Variants in CPNE4 observed in about 807,000 individuals in gnomAD.
CPNE4 encodes the protein copine 4.
CPNE4 carries 25 observed loss-of-function variants against 67.9 expected under a neutral mutation model. The ratio of observed to expected loss-of-function variants is 0.37; its 90% CI spans 0.27 to 0.51. The LOEUF (loss-of-function observed/expected upper bound fraction) is 0.51. CPNE4 is among the 20% of genes least tolerant of loss of function. The pLI is 0.93. For missense variants in CPNE4, 464 were observed against 690.8 expected (o/e 0.67, Z 3.68); for synonymous variants, 242 against 244.9 (o/e 0.99, Z 0.11).
chr3:131,686,603 T>G (rs1394795855), intron 5 of CPNE4, among the ~76,000 whole-genome samples: 2 of 151,964 alleles, frequency 1.3e-5, no homozygotes. Flanking sequence ...CCCCTATCCA[T>G]TTCTGATTTC....
At chr3:131,637,469 A>C (rs1428954711) in intron 7 of CPNE4, among the ~76,000 whole-genome samples, 2 of 152,226 alleles carry the variant, frequency 1.3e-5, no homozygotes, top group Admixed American at 6.5e-5. Flanking sequence ...AAGACTTTCA[A>C]ATTAACCCAA....
chr3:131,606,793 C>G (rs756023087), intron 7 of CPNE4, among the ~76,000 whole-genome samples: 1 of 150,686 alleles, frequency 6.6e-6, no homozygotes, highest in Non-Finnish European at 1.5e-5. Flanking sequence ...CAGCCACCCT[C>G]TAAATGTCTG....
In CPNE4 at chr3:131,609,369, A is replaced by G. The variant is rs75511853; in HGVS notation, c.682-21787T>C. ...GGGTACATTTCCTAGCCATTTGACT[A>G]GACACCGTCAAGGGAATGTGATGTG... On this transcript the variant is annotated intron_variant, in intron 7 of 15. Coordinates refer to ENST00000429747, the MANE Select transcript of CPNE4 (RefSeq NM_130808.3). 6.6e-3 allele frequency among the ~76,000 whole-genome samples: 1,012 copies of G among 152,286 alleles called. 4 individuals are homozygous for G. The highest frequency in any genetic ancestry group is 0.024 in the Middle Eastern group (7 of 294).
chr3:131,716,973 T>G (rs1473047081), intron 3 of CPNE4, among the ~76,000 whole-genome samples: 1 of 152,246 alleles, frequency 6.6e-6, no homozygotes, highest in Non-Finnish European at 1.5e-5. Context: ...ATCTAGCCAT[T>G]CCTTGCCTAT....
intron 9 of CPNE4, among the ~76,000 whole-genome samples, chr3:131,576,412 A>C (rs544643372): frequency 1.8e-4 from 27 of 152,284 alleles, no homozygotes; most frequent in African/African-American, 6.5e-4. Context: ...GGAAGAAAAA[A>C]AAAATTGTGT....
intron 1 of CPNE4, among the ~76,000 whole-genome samples, chr3:132,016,260 AT>A (rs1280173093): frequency 6.6e-6 from 1 of 152,186 alleles, no homozygotes; most frequent in Non-Finnish European, 1.5e-5. Context: ...TGAGATATCC[AT>A]TGTGTCAGAC....
At chr3:131,590,267 C>T (rs947776304) in intron 7 of CPNE4, among the ~76,000 whole-genome samples, 21 of 152,076 alleles carry the variant, frequency 1.4e-4, no homozygotes, top group African/African-American at 4.6e-4. Context: ...TGGCCCACTG[C>T]AATGACCAAG....
intron 10 of CPNE4, among the ~76,000 whole-genome samples, chr3:131,568,233 C>T (rs1937159476): frequency 6.6e-6 from 1 of 151,656 alleles, no homozygotes; most frequent in African/African-American, 2.4e-5. Context: ...TTCCTAAAAC[C>T]TCATTTATGA....
intron 7 of CPNE4, among the ~76,000 whole-genome samples, chr3:131,607,599 C>T (rs557030858): frequency 2.1e-4 from 32 of 152,288 alleles, no homozygotes; most frequent in African/African-American, 7.7e-4. Context: ...CTAAATCCAT[C>T]TCCCACATAA....
intron 2 of CPNE4, among the ~76,000 whole-genome samples, chr3:131,748,859 T>A (rs2082554980): frequency 6.6e-6 from 1 of 152,114 alleles, no homozygotes; most frequent in East Asian, 1.9e-4. Flanking sequence ...TCTCTTTTTT[T>A]ATTTCCCAGT....
intron 1 of CPNE4, among the ~76,000 whole-genome samples, chr3:132,013,180 G>T (rs1227685364): frequency 6.6e-6 from 1 of 152,246 alleles, no homozygotes; most frequent in South Asian, 2.1e-4. Flanking sequence ...CCAAGATCAC[G>T]CCATTGCACT....
intron 2 of CPNE4, among the ~76,000 whole-genome samples, chr3:131,766,350 G>A (rs6439317): frequency 0.021 from 3,220 of 152,084 alleles, 41 homozygotes; most frequent in African/African-American, 0.03. Flanking sequence ...AATTATCCCC[G>A]TGGTGGAATT....
intron 2 of CPNE4, among the ~76,000 whole-genome samples, chr3:131,866,595 G>A (rs1361867127): frequency 3.3e-5 from 5 of 152,210 alleles, no homozygotes; most frequent in Non-Finnish European, 1.5e-5. Context: ...TAATTTTACA[G>A]CTGAATACTA....
chr3:131,647,831 A>C (rs1276507899), intron 7 of CPNE4, among the ~76,000 whole-genome samples: 3 of 152,054 alleles, frequency 2.0e-5, no homozygotes, highest in Admixed American at 1.3e-4. Flanking sequence ...TTTCCTACCA[A>C]ATTTATTGCT....
At chr3:131,839,497 T>G (rs1386330756) in intron 2 of CPNE4, among the ~76,000 whole-genome samples, 10 of 151,586 alleles carry the variant, frequency 6.6e-5, no homozygotes, top group Non-Finnish European at 1.3e-4. Context: ...TTGATAAACA[T>G]TTATATTTAT....
intron 13 of CPNE4, among the ~76,000 whole-genome samples, chr3:131,551,016 C>A (rs73874115): frequency 1.3e-5 from 2 of 151,886 alleles, no homozygotes; most frequent in African/African-American, 4.8e-5. Context: ...TTGTCTGTGC[C>A]TGTGTTATTG....
At chr3:131,972,196 C>T (rs796224043) in intron 1 of CPNE4, among the ~76,000 whole-genome samples, 8 of 152,238 alleles carry the variant, frequency 5.3e-5, no homozygotes, top group East Asian at 1.9e-4. Context: ...CTTTCAGAGA[C>T]GCTGAAGCCA....
chr3:132,000,598 C>T (rs2073407400), intron 1 of CPNE4, among the ~76,000 whole-genome samples: 2 of 151,378 alleles, frequency 1.3e-5, no homozygotes, highest in East Asian at 1.9e-4. Flanking sequence ...AAGGAAGAGA[C>T]AAAATTTTAG....
At position 131,534,153 on chromosome 3, in the gene CPNE4, C is replaced by G. The variant is rs1935013818; in HGVS notation, c.*1042G>C. On this transcript the variant is annotated 3_prime_UTR_variant, in exon 16 of 16. Coordinates refer to ENST00000429747, the MANE Select transcript of CPNE4 (RefSeq NM_130808.3). ...CTTTGAGATCACTTCTAGGGATTGACACCATCCATGCAGTGGTGTGTGATG... is the reference window on the plus strand; with the variant it reads ...CTTTGAGATCACTTCTAGGGATTGAGACCATCCATGCAGTGGTGTGTGATG... The G allele has an allele frequency of 6.6e-6, 1 of 152,256 alleles. No individual in the cohort carries two copies. Among genetic ancestry groups the G allele is most frequent in the Admixed American group, 6.5e-5 (1 of 15,292 alleles). 9.4% of individuals were successfully genotyped at this position (152,256 alleles called of 1,614,324 possible).
Sources: gnomAD v4.1 joint callset for allele counts (sites outside exome capture counted in the v4.1 genomes callset) on GRCh38, gnomAD v4.1.1 for gene constraint, MANE v1.5 for transcripts, NCBI Gene and HGNC (gene_info 2026-07-23, HGNC 2026-07-21) for gene names.